Variants in ZBTB37 observed in about 807,000 individuals in gnomAD.
The protein encoded by ZBTB37 is zinc finger and BTB domain containing 37.
ZBTB37 carries 15 observed loss-of-function variants against 37.7 expected under a neutral mutation model. The ratio of observed to expected loss-of-function variants is 0.40; its 90% CI spans 0.27 to 0.61. The LOEUF is 0.61. Ranked by LOEUF, ZBTB37 falls within the 20% of genes least tolerant of loss-of-function variation. The probability of loss-of-function intolerance (pLI) is 0.44; values close to 1 mark genes in which losing one functional copy is unlikely to be tolerated. For missense variants in ZBTB37, 514 were observed against 641.9 expected, an observed-to-expected ratio of 0.80 and a Z score of 2.15; for synonymous variants, 231 against 220.6, an observed-to-expected ratio of 1.05 and a Z score of -0.42.
At chr1:173,878,002 T>G (rs1329405800) in intron 4 of ZBTB37, among the ~76,000 whole-genome samples, 1 of 152,242 alleles carries the variant, frequency 6.6e-6, no homozygotes, top group Admixed American at 6.5e-5. Context: ...ACAGTCTTTT[T>G]AACCCAACTT....
At chr1:173,902,776 C>T (rs1657318841) in exon 4 of ZBTB37, 1 of 152,106 alleles carries the variant, frequency 6.6e-6, no homozygotes, top group South Asian at 2.1e-4. Context: ...CAGATTACTT[C>T]AGGAGGAGAG....
chr1:173,883,921 G>C (rs1306662499), intron 4 of ZBTB37, among the ~76,000 whole-genome samples: 2 of 152,112 alleles, frequency 1.3e-5, no homozygotes, highest in East Asian at 3.9e-4. Flanking sequence ...TTGCTAACTA[G>C]ATGAATCTTG....
chr1:173,894,368 G>C (rs527376336), exon 4 of ZBTB37: 2 of 152,292 alleles, frequency 1.3e-5, no homozygotes, highest in South Asian at 4.1e-4. Flanking sequence ...CAACGACTCA[G>C]GTCACCTGGT....
At chr1:173,875,717 C>T (rs1022330231) in intron 4 of ZBTB37, among the ~76,000 whole-genome samples, 7 of 151,656 alleles carry the variant, frequency 4.6e-5, no homozygotes, top group Non-Finnish European at 7.4e-5. Flanking sequence ...TGCACTGGTG[C>T]GATCTCAACT....
In ZBTB37 at chr1:173,870,906, G is replaced by A. The variant is rs199796776; in HGVS notation, c.681G>A (p.Ala227=). 19 of 1,614,058 alleles carry A rather than the reference G, an allele frequency of 1.2e-5. No individual in the cohort carries two copies. In the Admixed American group the frequency reaches 1.8e-4, roughly 16 times the overall value. The change falls in exon 3 of 5, where the codon GCG becomes GCA. Residue 227 remains alanine (A), a synonymous_variant. Transcript: ENST00000427304. ...AGTGGTATGTGGAGACAGGAGTGGC[G>A]GACCGTGGGGGTCGGAGTGATGATG...
exon 4 of ZBTB37, chr1:173,901,545 A>T (rs1657259582): frequency 6.6e-6 from 1 of 152,040 alleles, no homozygotes; most frequent in Admixed American, 6.6e-5. Context: ...AACTACAGGC[A>T]TGTGCCACCA....
chr1:173,885,184 G>A (rs1451404909), intron 4 of ZBTB37, among the ~76,000 whole-genome samples: 3 of 152,160 alleles, frequency 2.0e-5, no homozygotes, highest in Admixed American at 6.5e-5. Flanking sequence ...GTAGTGAGCC[G>A]TGATCACACC....
At chr1:173,896,788 C>CA (rs1657063113) in exon 4 of ZBTB37, 1 of 152,160 alleles carries the variant, frequency 6.6e-6, no homozygotes, top group Admixed American at 6.5e-5. Context: ...GTAATAGAAT[C>CA]CTAACTATAG....
chr1:173,875,185 T>C (rs981439255), intron 4 of ZBTB37, among the ~76,000 whole-genome samples: 1 of 150,912 alleles, frequency 6.6e-6, no homozygotes, highest in African/African-American at 2.4e-5. Flanking sequence ...ATATACTATA[T>C]GTAGTATACA....
At chr1:173,893,771 A>G (rs185022615) in exon 4 of ZBTB37, 1 of 152,260 alleles carries the variant, frequency 6.6e-6, no homozygotes, top group African/African-American at 2.4e-5. Context: ...AGGGTAGATA[A>G]CATCCTCATT....
chr1:173,874,976 TAAA>T (rs1252122035), intron 4 of ZBTB37, among the ~76,000 whole-genome samples: 1 of 151,876 alleles, frequency 6.6e-6, no homozygotes, highest in Non-Finnish European at 1.5e-5. Context: ...TTGGGAAATA[TAAA>T]AAAGTAAGAT....
At chr1:173,886,321 C>T (rs1425530937) in exon 5 of ZBTB37, 1 of 776,080 alleles carries the variant, frequency 1.3e-6, no homozygotes, top group East Asian at 2.9e-5. Context: ...GCCCGCCTCA[C>T]ACTTTGGAAA....
intron 3 of ZBTB37, among the ~76,000 whole-genome samples, chr1:173,872,132 G>T (rs542371075): frequency 6.6e-6 from 1 of 151,740 alleles, no homozygotes; most frequent in Non-Finnish European, 1.5e-5. Flanking sequence ...GCAGTGGTGC[G>T]ATCTCGGCTC....
At chr1:173,871,516 AC>A (rs1655561644) in intron 3 of ZBTB37, among the ~76,000 whole-genome samples, 1 of 152,312 alleles carries the variant, frequency 6.6e-6, no homozygotes, top group Admixed American at 6.5e-5. Flanking sequence ...GTGTGTTATC[AC>A]ACAGGTAGGT....
At chr1:173,887,881 G>A (rs1656691903), downstream of ZBTB37, 1 of 152,086 alleles carries the variant, frequency 6.6e-6, no homozygotes, top group African/African-American at 2.4e-5. Flanking sequence ...TGAAAAGGTG[G>A]GTAGAAAAGA....
exon 5 of ZBTB37, chr1:173,885,750 A>G (rs1403840509): frequency 6.4e-7 from 1 of 1,551,636 alleles, no homozygotes. Flanking sequence ...CTATTGCGCC[A>G]AATCTTTCAA....
intron 4 of ZBTB37, among the ~76,000 whole-genome samples, chr1:173,882,692 TA>T (rs1656403562): frequency 6.6e-6 from 1 of 152,226 alleles, no homozygotes; most frequent in Non-Finnish European, 1.5e-5. Flanking sequence ...GGTTTTCTTC[TA>T]GGGTTTTTAT....
At chr1:173,869,878 A>G (rs1471766381) in intron 2 of ZBTB37, among the ~76,000 whole-genome samples, 1 of 152,200 alleles carries the variant, frequency 6.6e-6, no homozygotes, top group African/African-American at 2.4e-5. Context: ...TATAGTTAAC[A>G]CTTAAAAGTC....
At chr1:173,874,856 C>G (rs1655832111) in intron 4 of ZBTB37, among the ~76,000 whole-genome samples, 1 of 151,974 alleles carries the variant, frequency 6.6e-6, no homozygotes, top group Non-Finnish European at 1.5e-5. Flanking sequence ...AGTAGACAGC[C>G]TGACTTGTTA....
Sources: allele counts gnomAD v4.1 joint callset (sites outside exome capture counted in the v4.1 genomes callset), GRCh38; gene constraint gnomAD v4.1.1; transcripts MANE v1.5; gene names NCBI Gene and HGNC (gene_info 2026-07-23, HGNC 2026-07-21).